The following VRK2 variants were observed in gnomAD, a reference collection of about 807,000 sequenced individuals.
VRK2 encodes the protein serine/threonine-protein kinase VRK2.
In VRK2, 60 loss-of-function variants were observed where a neutral mutation model predicts 57.6. The observed-to-expected ratio is 1.04, with a 90% CI of 0.85 to 1.29. The LOEUF is 1.29. Ranked by LOEUF, VRK2 falls within the 50% of genes most tolerant of loss-of-function variation. VRK2 has a pLI of 0.00. For synonymous variants in VRK2, 231 were observed against 199.2 expected, an observed-to-expected ratio of 1.16 and a Z score of -1.35; for missense variants, 705 against 588.1, an observed-to-expected ratio of 1.20 and a Z score of -2.06.
At chr2:58,048,695 A>G (rs1452071425) in intron 1 of VRK2, 132 bp from the exon 2 acceptor site, 22 of 1,501,814 alleles carry the variant, frequency 1.5e-5, no homozygotes, top group Non-Finnish European at 1.1e-5. Flanking sequence ...TCCAAACTGA[A>G]TTAACTTTAG....
chr2:57,922,454 T>TTGTGTG (rs59731064), intron 1 of VRK2, among the ~76,000 whole-genome samples: 2,134 of 147,030 alleles, frequency 0.015, 14 homozygotes, highest in South Asian at 0.055. Context: ...AGTTACCTTC[T>TTGTGTG]TGTGTGTGTG....
At chr2:58,090,600 T>C (rs1177427400) in intron 7 of VRK2, among the ~76,000 whole-genome samples, 1 of 152,088 alleles carries the variant, frequency 6.6e-6, no homozygotes, top group Non-Finnish European at 1.5e-5. Flanking sequence ...CATGGAAATT[T>C]GTTGCTAATG....
intron 10 of VRK2, among the ~76,000 whole-genome samples, chr2:58,137,079 CAT>C (rs72304363): frequency 0.28 from 33,500 of 121,246 alleles, 4,833 homozygotes; most frequent in African/African-American, 0.32. Context: ...TCATATATAA[CAT>C]ATATATGTGT....
intron 2 of VRK2, among the ~76,000 whole-genome samples, chr2:58,077,983 C>A (rs1357594649): frequency 6.6e-6 from 1 of 152,082 alleles, no homozygotes; most frequent in East Asian, 1.9e-4. Flanking sequence ...TGCCCTCTTT[C>A]AGAATCCTTG....
At position 57,940,881 on chromosome 2, in the gene VRK2, C is replaced by G. The variant is rs115412830; in HGVS notation, c.-439+33042C>G. ...TATACTAGAACTCATCTGCATCCTG[C>G]TCTCCAAAAAAAAAAAGACCCAAAT... On this transcript the variant is annotated intron_variant, in intron 1 of 15. Coordinates refer to the VRK2 transcript ENST00000417641. Among the ~76,000 whole-genome samples, 719 of 151,126 alleles carry G rather than the reference C, an allele frequency of 4.8e-3. 7 individuals carry two copies. Among genetic ancestry groups the G allele is most frequent in the African/African-American group, 0.016 (676 of 41,252 alleles).
chr2:58,130,117 G>T (rs1678962767), intron 8 of VRK2, among the ~76,000 whole-genome samples: 2 of 152,112 alleles, frequency 1.3e-5, no homozygotes, highest in South Asian at 4.1e-4. Context: ...CCTCAATTGG[G>T]GGGTAGGGGG....
intron 1 of VRK2, among the ~76,000 whole-genome samples, chr2:58,007,544 T>C (rs916512167): frequency 2.0e-5 from 3 of 152,162 alleles, no homozygotes; most frequent in African/African-American, 7.2e-5. Flanking sequence ...TATTTTCCTC[T>C]TATAATTTTC....
chr2:58,047,011 C>A (rs1674870150), intron 1 of VRK2, 143 bp downstream of exon 1: 3 of 973,774 alleles, frequency 3.1e-6, no homozygotes, highest in South Asian at 4.7e-5. Flanking sequence ...GCCTCAGCTC[C>A]GGCCCGGGCA....
At chr2:58,038,758 T>C (rs574875299) in intron 3 of VRK2, among the ~76,000 whole-genome samples, 53 of 152,266 alleles carry the variant, frequency 3.5e-4, no homozygotes, top group Middle Eastern at 3.4e-3. Context: ...TGAGACCCTA[T>C]GCACATAAAA....
intron 1 of VRK2, among the ~76,000 whole-genome samples, chr2:57,995,252 TG>T (rs1672889511): frequency 6.6e-6 from 1 of 152,178 alleles, no homozygotes; most frequent in Non-Finnish European, 1.5e-5. Flanking sequence ...ACTAGTCGTT[TG>T]GAAAATAATG....
rs374611949 is a variant in VRK2, at chr2:58,067,220, G to A, written c.137-16869G>A. 9.9e-5 allele frequency among the ~76,000 whole-genome samples: 15 copies of A among 152,208 alleles called. No individual in the cohort carries two copies. In the East Asian group the frequency reaches 1.7e-3, roughly 18 times the overall value. On this transcript the variant is annotated intron_variant, in intron 2 of 12. Coordinates refer to ENST00000340157, the MANE Select transcript of VRK2 (RefSeq NM_006296.7). Reference sequence around the variant, plus strand: ...GCCACAGATTGAAGGCTGCACTGTTGGCTTCCCTGCATTTGAGGTTTTGGG... The same window carrying A: ...GCCACAGATTGAAGGCTGCACTGTTAGCTTCCCTGCATTTGAGGTTTTGGG...
At chr2:58,037,337 A>G (rs1366072177) in intron 3 of VRK2, among the ~76,000 whole-genome samples, 2 of 152,064 alleles carry the variant, frequency 1.3e-5, no homozygotes, top group Non-Finnish European at 2.9e-5. Context: ...TCAAGTACTC[A>G]AGATCCTATA....
At chr2:58,003,176 A>G (rs1045718630) in intron 1 of VRK2, among the ~76,000 whole-genome samples, 2 of 152,196 alleles carry the variant, frequency 1.3e-5, no homozygotes, top group Non-Finnish European at 2.9e-5. Context: ...ACATTCTGTA[A>G]CAGATATTTT....
chr2:58,042,292 G>C (rs995066604), upstream of VRK2, among the ~76,000 whole-genome samples: 1 of 152,050 alleles, frequency 6.6e-6, no homozygotes, highest in Non-Finnish European at 1.5e-5. Flanking sequence ...TAGATACTTG[G>C]TCTGATTGTT....
intron 2 of VRK2, among the ~76,000 whole-genome samples, chr2:58,054,049 T>C (rs766348850): frequency 2.0e-5 from 3 of 152,114 alleles, no homozygotes; most frequent in Admixed American, 6.6e-5. Context: ...CTCTATAAGA[T>C]GTATTTTAAT....
intron 1 of VRK2, among the ~76,000 whole-genome samples, chr2:58,009,801 C>T (rs1673363347): frequency 6.6e-6 from 1 of 151,930 alleles, no homozygotes; most frequent in Non-Finnish European, 1.5e-5. Context: ...TATCTTTAAG[C>T]CTACGCTTTA....
In VRK2 at chr2:58,148,112, A is replaced by T. The variant is rs971507156; in HGVS notation, c.1182+1638A>T. Among the ~76,000 whole-genome samples, 20 of 151,802 alleles carry T rather than the reference A, an allele frequency of 1.3e-4. 2 individuals carry two copies. Among genetic ancestry groups the T allele is most frequent in the Admixed American group, 1.3e-3 (20 of 15,198 alleles). On this transcript the variant is annotated intron_variant, in intron 12 of 12. Transcript: ENST00000340157. ...TGTTCAATTTTATAAAGAGCTGACA[A>T]ATAGTTCTTGAAAGTACCATTCTGT...
intron 10 of VRK2, among the ~76,000 whole-genome samples, chr2:58,137,251 G>GATACATATGTATCATATATATGATAC (rs145492171): frequency 1.3e-5 from 1 of 77,382 alleles, no homozygotes; most frequent in Non-Finnish European, 2.8e-5. Flanking sequence ...TCATATATAT[G>GATACATATGTATCATATATATGATAC]ATATATATGA....
At position 58,084,679 on chromosome 2, in the gene VRK2, T is replaced by C. The variant is rs201035917; in HGVS notation, c.187-202T>C. 3.9e-5 allele frequency among the ~76,000 whole-genome samples: 6 copies of C among 152,024 alleles called. 1 individual carries two copies. In the East Asian group the frequency reaches 7.7e-4, roughly 20 times the overall value. On this transcript the variant is annotated intron_variant, in intron 3 of 12. Coordinates refer to ENST00000340157, the MANE Select transcript of VRK2 (RefSeq NM_006296.7). ...ACTGTATAGGGATAGTGGTACAATATGTCGTTTAAAAATTAGATTCTTCAA... is the reference window on the plus strand; with the variant it reads ...ACTGTATAGGGATAGTGGTACAATACGTCGTTTAAAAATTAGATTCTTCAA...
Sources: allele counts gnomAD v4.1 joint callset (sites outside exome capture counted in the v4.1 genomes callset), GRCh38; gene constraint gnomAD v4.1.1; transcripts MANE v1.5; gene names NCBI Gene and HGNC (gene_info 2026-07-23, HGNC 2026-07-21).